The following RALGPS1 variants were observed in gnomAD, a reference collection of about 807,000 sequenced individuals.
The protein encoded by RALGPS1 is ras-specific guanine nucleotide-releasing factor RalGPS1.
Under a neutral mutation model 78.8 loss-of-function variants are expected in RALGPS1, and 19 were observed. The ratio of observed to expected loss-of-function variants is 0.24; its 90% CI spans 0.17 to 0.35. The LOEUF is 0.35. Ranked by LOEUF, RALGPS1 falls within the 10% of genes least tolerant of loss-of-function variation. The pLI, the probability that RALGPS1 is intolerant of heterozygous loss-of-function variation, is 1.00. For synonymous variants in RALGPS1, 228 were observed against 256.3 expected, an observed-to-expected ratio of 0.89 and a Z score of 1.06; for missense variants, 454 against 688.3, an observed-to-expected ratio of 0.66 and a Z score of 3.81.
rs111745870 is a variant in RALGPS1 at position 127,219,051 on chromosome 9, C to G, written c.*282C>G. ...TCTCTGGGCCCACCACCTGCATCTG[C>G]GACTAGAGAGCACCCGGCCCACGTT... On this transcript the variant is annotated 3_prime_UTR_variant, in exon 19 of 19. Coordinates refer to ENST00000259351, the MANE Select transcript of RALGPS1 (RefSeq NM_014636.3). The surrounding 1 kb of genome is among the most constrained non-coding windows in gnomAD (Gnocchi z 5.0). 1 of 510,334 alleles carries G rather than the reference C, an allele frequency of 2.0e-6. No homozygotes were observed. The highest frequency in any genetic ancestry group is 1.9e-5 in the African/African-American group (1 of 51,726). 31.6% of individuals were successfully genotyped at this position (510,334 alleles called of 1,614,324 possible).
chr9:126,941,130 G>GCC (rs11434207), intron 1 of RALGPS1, among the ~76,000 whole-genome samples: 36,366 of 149,872 alleles, frequency 0.24, 5,226 homozygotes, highest in South Asian at 0.51. Flanking sequence ...TCTCATATAC[G>GCC]CCCCCCCCCT....
Position 126,965,969 on chromosome 9 carries a change from G to T in RALGPS1, c.165+18G>T, listed in dbSNP as rs1469814698. 2.5e-6 allele frequency: 4 copies of T among 1,598,800 alleles called. No individual in the cohort carries two copies. In the South Asian group the frequency reaches 4.4e-5, roughly 18 times the overall value. Reference sequence around the variant, plus strand: ...AGTTTGCTGTAAGTGAAACAGGGCTGGTGTGGGTGGCTGGGCACCACAGCA... The same window carrying T: ...AGTTTGCTGTAAGTGAAACAGGGCTTGTGTGGGTGGCTGGGCACCACAGCA... On this transcript the variant is annotated intron_variant, in intron 3 of 18. Coordinates refer to ENST00000259351, the MANE Select transcript of RALGPS1 (RefSeq NM_014636.3).
chr9:126,915,330 G>T (rs1371616928), intron 1 of RALGPS1: 3 of 144,406 alleles, frequency 2.1e-5, no homozygotes, highest in African/African-American at 7.6e-5. Context: ...TGCGGGGGGC[G>T]GGGCCGGCGG....
chr9:127,152,504 G>C (rs1417615749), intron 8 of RALGPS1, among the ~76,000 whole-genome samples: 1 of 152,226 alleles, frequency 6.6e-6, no homozygotes, highest in African/African-American at 2.4e-5. Flanking sequence ...CTACTGGGCA[G>C]TGAGTGTACT....
At chr9:127,173,692 TG>T (rs1554855292) in intron 10 of RALGPS1, among the ~76,000 whole-genome samples, 1 of 152,172 alleles carries the variant, frequency 6.6e-6, no homozygotes, top group Non-Finnish European at 1.5e-5. Flanking sequence ...CATCTGATCA[TG>T]GGGAGTGCAG....
chr9:127,044,155 G>GT (rs1482005179), intron 5 of RALGPS1, among the ~76,000 whole-genome samples: 2 of 152,168 alleles, frequency 1.3e-5, no homozygotes, highest in Non-Finnish European at 2.9e-5. Context: ...ATTAGGTAAG[G>GT]TAAATGGATA....
intron 5 of RALGPS1, among the ~76,000 whole-genome samples, chr9:127,036,559 G>C (rs117590857): frequency 2.0e-5 from 3 of 152,318 alleles, no homozygotes; most frequent in African/African-American, 7.2e-5. Flanking sequence ...AAAGAGAAAT[G>C]TGAAGATCAG....
rs369980602 is a variant in RALGPS1, at chr9:127,091,944, G to T, written c.610+22588G>T. 304 of 1,613,488 alleles carry T rather than the reference G, an allele frequency of 1.9e-4. 4 individuals are homozygous for T. The Admixed American group carries it at 4.8e-3, about 25-fold the overall frequency. On this transcript the variant is annotated intron_variant, in intron 8 of 18. Coordinates refer to ENST00000259351, the MANE Select transcript of RALGPS1 (RefSeq NM_014636.3). The surrounding 1 kb of genome is among the most constrained non-coding windows in gnomAD (Gnocchi z 4.3). The stretch of plus-strand genomic sequence containing the variant: ...CGTCAATGTTCCCAAACCCTTGCTG[G>T]GGAAAACCCAGGAGAGTGTTAATGT...
At chr9:126,987,246 C>A (rs1279627195) in intron 4 of RALGPS1, among the ~76,000 whole-genome samples, 1 of 152,070 alleles carries the variant, frequency 6.6e-6, no homozygotes, top group Middle Eastern at 3.2e-3. Context: ...AGGAGCCCTG[C>A]AAACATCATA....
intron 8 of RALGPS1, among the ~76,000 whole-genome samples, chr9:127,125,656 C>T (rs2056562267): frequency 6.6e-6 from 1 of 152,210 alleles, no homozygotes; most frequent in Admixed American, 6.5e-5. Context: ...CAGCATGCTT[C>T]TAACTTGGTG....
chr9:127,146,378 C>T (rs1217676646), intron 8 of RALGPS1, among the ~76,000 whole-genome samples: 1 of 152,024 alleles, frequency 6.6e-6, no homozygotes, highest in African/African-American at 2.4e-5. Context: ...CAACTATATC[C>T]GTGTTGCTTT....
intron 14 of RALGPS1, among the ~76,000 whole-genome samples, chr9:127,203,551 G>A (rs1410767642): frequency 3.9e-5 from 6 of 152,022 alleles, no homozygotes; most frequent in African/African-American, 7.3e-5. Flanking sequence ...GTGAGAGGAG[G>A]CCCCTGTAGT....
At chr9:126,941,790 C>T (rs1377198301) in intron 1 of RALGPS1, among the ~76,000 whole-genome samples, 1 of 152,224 alleles carries the variant, frequency 6.6e-6, no homozygotes, top group African/African-American at 2.4e-5. Context: ...ACCTTTTTAT[C>T]TACCACTTAG....
rs546276965 is a variant in RALGPS1, at chr9:127,071,043, A to C, written c.610+1687A>C. Among the ~76,000 whole-genome samples, 19 of 150,348 alleles carry C rather than the reference A, an allele frequency of 1.3e-4. No homozygotes were observed. In the South Asian group the frequency reaches 2.1e-3, roughly 17 times the overall value. On this transcript the variant is annotated intron_variant, in intron 8 of 18. Coordinates refer to ENST00000259351, the MANE Select transcript of RALGPS1 (RefSeq NM_014636.3). ...TTTGAATCTCTCTCTCTCTCTCTATATATATATACACTAAATACTAAAGCA... is the reference window on the plus strand; with the variant it reads ...TTTGAATCTCTCTCTCTCTCTCTATCTATATATACACTAAATACTAAAGCA...
intron 4 of RALGPS1, among the ~76,000 whole-genome samples, chr9:126,982,918 T>C (rs1014122123): frequency 4.5e-5 from 4 of 89,748 alleles, no homozygotes; most frequent in South Asian, 6.1e-4. Flanking sequence ...TTCTTCTTCT[T>C]CTTCTTCTTC....
intron 8 of RALGPS1, among the ~76,000 whole-genome samples, chr9:127,140,736 A>G (rs926187799): frequency 2.0e-5 from 3 of 151,784 alleles, no homozygotes; most frequent in African/African-American, 7.3e-5. Flanking sequence ...AAAAGTTTTA[A>G]CCTCCCCCCA....
intron 1 of RALGPS1, among the ~76,000 whole-genome samples, chr9:126,947,330 A>G (rs895237143): frequency 2.0e-5 from 3 of 152,094 alleles, no homozygotes; most frequent in Non-Finnish European, 4.4e-5. Flanking sequence ...GAGCATCCCA[A>G]CTCTGAAAAT....
At chr9:126,988,190 C>T (rs1356184284) in intron 4 of RALGPS1, among the ~76,000 whole-genome samples, 1 of 152,112 alleles carries the variant, frequency 6.6e-6, no homozygotes, top group African/African-American at 2.4e-5. Context: ...AGCCTCAAGC[C>T]TGGCGGGGGT....
intron 8 of RALGPS1, among the ~76,000 whole-genome samples, chr9:127,133,044 C>G (rs538480081): frequency 2.0e-5 from 3 of 152,254 alleles, no homozygotes; most frequent in African/African-American, 7.2e-5. Context: ...AAAGCACCTA[C>G]TTCATAGAGT....
Sources: gnomAD v4.1 joint callset for allele counts (sites outside exome capture counted in the v4.1 genomes callset) on GRCh38, gnomAD v4.1.1 for gene constraint, Gnocchi (gnomAD v3.1) non-coding constraint, MANE v1.5 for transcripts, NCBI Gene and HGNC (gene_info 2026-07-23, HGNC 2026-07-21) for gene names.